Variants in HOOK2 observed in about 807,000 individuals in gnomAD.
HOOK2 encodes the protein protein Hook homolog 2.
A neutral mutation model predicts 111.9 loss-of-function variants in HOOK2; 108 were observed. The observed-to-expected ratio is 0.96, with a 90% CI of 0.83 to 1.13. The LOEUF (loss-of-function observed/expected upper bound fraction) is 1.13. Ranked by LOEUF, HOOK2 falls within the 50% of genes most tolerant of loss-of-function variation. The probability of loss-of-function intolerance (pLI) is 0.00; values close to 1 mark genes in which losing one functional copy is unlikely to be tolerated. For synonymous variants in HOOK2, 405 were observed against 394.3 expected, an observed-to-expected ratio of 1.03 and a Z score of -0.32; for missense variants, 978 against 951.3, an observed-to-expected ratio of 1.03 and a Z score of -0.37.
At chr19:12,784,064 G>C (rs1047113700) in intron 3 of HOOK2, among the ~76,000 whole-genome samples, 3 of 152,054 alleles carry the variant, frequency 2.0e-5, no homozygotes, top group Non-Finnish European at 4.4e-5. Context: ...CCTGACCCGC[G>C]GGTGGCCCGA....
chr19:12,789,195 AAGAG>A (rs58377920), intron 3 of HOOK2, among the ~76,000 whole-genome samples: 2 of 149,786 alleles, frequency 1.3e-5, no homozygotes, highest in Non-Finnish European at 3.0e-5. Flanking sequence ...GAGAGAGACA[AAGAG>A]AGAGAGAGAG....
rs1968693769 is a variant in HOOK2, at chr19:12,790,038, CCG to C, written n.42-15815_42-15814del. 6.6e-6 allele frequency among the ~76,000 whole-genome samples: 1 copy of C among 152,222 alleles called. No individual in the cohort carries two copies. Among genetic ancestry groups the C allele is most frequent in the Non-Finnish European group, 1.5e-5 (1 of 68,022 alleles). On this transcript the variant is annotated intron_variant and non_coding_transcript_variant, in intron 3 of 3. Transcript: ENST00000589765. The surrounding 1 kb of genome is among the most constrained non-coding windows in gnomAD (Gnocchi z 7.2). ...CGCCTGTTGCCATGGCGACCAGGCC[CCG>C]CTCCTCGGCTGCGTCCCCCGCCGTC...
In HOOK2 at chr19:12,790,088, G is replaced by A. The variant is rs1968694368; in HGVS notation, n.42-15863C>T. Among the ~76,000 whole-genome samples, 1 of 152,188 alleles carries A rather than the reference G, an allele frequency of 6.6e-6. No individual in the cohort carries two copies. Among genetic ancestry groups the A allele is most frequent in the Non-Finnish European group, 1.5e-5 (1 of 68,018 alleles). On this transcript the variant is annotated intron_variant and non_coding_transcript_variant, in intron 3 of 3. Coordinates refer to the HOOK2 transcript ENST00000589765. This position sits in a 1 kb window ranked among gnomAD's most constrained non-coding sequence, Gnocchi z 7.2. The stretch of plus-strand genomic sequence containing the variant: ...GTCGGGCCAATGGAACACTCCCCAA[G>A]CCGCCTGCCTCCGCGGTCCCCTGCA...
chr19:12,767,251 G>C, intron 14 of HOOK2, 144 bp downstream of exon 14: 1 of 661,962 alleles, frequency 1.5e-6, no homozygotes. Flanking sequence ...CAAATCAGGA[G>C]TAAGTGGGCC....
intron 3 of HOOK2, chr19:12,792,195 G>T: frequency 6.3e-7 from 1 of 1,576,634 alleles, no homozygotes; most frequent in Non-Finnish European, 8.6e-7. Flanking sequence ...CTTTGTCAAA[G>T]CCCTGGACGA....
At chr19:12,769,485 C>A (rs1251656182) in intron 11 of HOOK2, among the ~76,000 whole-genome samples, 2 of 152,166 alleles carry the variant, frequency 1.3e-5, no homozygotes, top group African/African-American at 4.8e-5. Context: ...TGCAGTGATG[C>A]AGCCACAGCT....
chr19:12,780,720 T>G (rs1490143746), upstream of HOOK2, among the ~76,000 whole-genome samples: 19 of 112,946 alleles, frequency 1.7e-4, no homozygotes, highest in South Asian at 3.4e-4. Flanking sequence ...GGCTCACGCC[T>G]GTAATCCCAG....
chr19:12,769,786 A>G, intron 11 of HOOK2, 95 bp downstream of exon 11: 1 of 1,036,606 alleles, frequency 9.6e-7, no homozygotes, highest in Non-Finnish European at 1.3e-6. Flanking sequence ...ACGTACAAAT[A>G]AGGGAGGGGA....
At chr19:12,788,837 C>T (rs1192284440) in intron 3 of HOOK2, among the ~76,000 whole-genome samples, 1 of 152,098 alleles carries the variant, frequency 6.6e-6, no homozygotes, top group Non-Finnish European at 1.5e-5. Context: ...CACAGGCCTC[C>T]GGAATCTCCC....
upstream of HOOK2, among the ~76,000 whole-genome samples, chr19:12,779,986 CTAA>C (rs1285702567): frequency 6.6e-6 from 1 of 152,152 alleles, no homozygotes; most frequent in African/African-American, 2.4e-5. Context: ...CCTGTCTCTA[CTAA>C]TAATACAATA....
chr19:12,782,749 C>T (rs149663843), upstream of HOOK2, among the ~76,000 whole-genome samples: 730 of 152,276 alleles, frequency 4.8e-3, 4 homozygotes, highest in Non-Finnish European at 8.4e-3. Context: ...CGGTGAAACC[C>T]GGGAGGGGGC....
intron 20 of HOOK2, among the ~76,000 whole-genome samples, chr19:12,764,033 G>A (rs1968075260): frequency 6.6e-6 from 1 of 152,030 alleles, no homozygotes; most frequent in South Asian, 2.1e-4. Flanking sequence ...TTTTATTTTT[G>A]TGATGGAGTC....
At chr19:12,765,196 C>A in intron 18 of HOOK2, 115 bp from the exon 19 acceptor site, 2 of 968,926 alleles carry the variant, frequency 2.1e-6, no homozygotes, top group Non-Finnish European at 3.2e-6. Context: ...GGCCACAGAG[C>A]CCTCTCTGCC....
chr19:12,792,340 C>T (rs1471823839), intron 3 of HOOK2: 1 of 1,537,250 alleles, frequency 6.5e-7, no homozygotes, highest in African/African-American at 1.4e-5. Context: ...AGCTACTCCC[C>T]AGCCTCTGCG....
chr19:12,780,076 G>T (rs981561278), upstream of HOOK2, among the ~76,000 whole-genome samples: 2 of 152,118 alleles, frequency 1.3e-5, no homozygotes, highest in Non-Finnish European at 2.9e-5. Flanking sequence ...CTTGAACCTG[G>T]GAGGCAGAGA....
intron 10 of HOOK2, 112 bp downstream of exon 10, chr19:12,770,820 G>T (rs1968302867): frequency 3.0e-6 from 4 of 1,333,574 alleles, no homozygotes; most frequent in Non-Finnish European, 3.1e-6. Context: ...GGCATATTGG[G>T]GGTTCACTGG....
chr19:12,772,499 G>A, intron 6 of HOOK2, 114 bp downstream of exon 6: 1 of 1,223,508 alleles, frequency 8.2e-7, no homozygotes, highest in South Asian at 1.4e-5. Context: ...GGCCAGCTGA[G>A]TTCCAGGCAG....
At chr19:12,765,759 C>A in intron 17 of HOOK2, 35 bp from the exon 18 acceptor site, 1 of 1,614,116 alleles carries the variant, frequency 6.2e-7, no homozygotes, top group Non-Finnish European at 8.5e-7. Flanking sequence ...AGTGGGGGAT[C>A]CAGAGAGGCC....
At position 12,771,103 on chromosome 19, in the gene HOOK2, G is replaced by T. The variant is rs1181853503; in HGVS notation, c.762-31C>A. 3.1e-6 allele frequency: 5 copies of T among 1,611,244 alleles called. No homozygotes were observed. The East Asian group carries it at 1.1e-4, about 36-fold the overall frequency. ...GGTGTTGGGGGAAGAGCACATGAGG[G>T]GGCTGCCCTCCCCCGGTCCCCTGGC... On this transcript the variant is annotated intron_variant, in intron 9 of 22. Transcript: ENST00000397668.
Sources: gnomAD v4.1 joint callset for allele counts (sites outside exome capture counted in the v4.1 genomes callset) on GRCh38, gnomAD v4.1.1 for gene constraint, Gnocchi (gnomAD v3.1) non-coding constraint, MANE v1.5 for transcripts, NCBI Gene and HGNC (gene_info 2026-07-23, HGNC 2026-07-21) for gene names.